KIAA1549L: variants seen among roughly 807,000 people sequenced by gnomAD.
KIAA1549L encodes UPF0606 protein KIAA1549L.
KIAA1549L carries 88 observed loss-of-function variants against 160.7 expected under a neutral mutation model. That is an observed-to-expected ratio of 0.55 (90% confidence interval 0.46 to 0.65). The LOEUF is 0.65. Ranked by LOEUF, KIAA1549L falls within the 30% of genes least tolerant of loss-of-function variation. The pLI, the probability that KIAA1549L is intolerant of heterozygous loss-of-function variation, is 0.00. For synonymous variants in KIAA1549L, 950 were observed against 976.7 expected, an observed-to-expected ratio of 0.97 and a Z score of 0.51; for missense variants, 2,258 against 2,437.5, an observed-to-expected ratio of 0.93 and a Z score of 1.55.
intron 1 of KIAA1549L, among the ~76,000 whole-genome samples, chr11:33,396,914 C>T (rs1850386786): frequency 6.7e-6 from 1 of 149,414 alleles, no homozygotes; most frequent in African/African-American, 2.5e-5. Flanking sequence ...TGCGCCATTG[C>T]ACTCCAGCCT....
chr11:33,525,074 C>T (rs961014344), intron 1 of KIAA1549L, among the ~76,000 whole-genome samples: 4 of 152,180 alleles, frequency 2.6e-5, no homozygotes, highest in African/African-American at 7.2e-5. Context: ...ACAGGACTAA[C>T]ATGCACCTCC....
chr11:33,412,725 G>A (rs896311214), intron 1 of KIAA1549L, among the ~76,000 whole-genome samples: 1 of 152,224 alleles, frequency 6.6e-6, no homozygotes, highest in Non-Finnish European at 1.5e-5. Flanking sequence ...ATTCCTAAAT[G>A]TGCTGGTGTC....
chr11:33,650,878 C>T (rs554150586), intron 17 of KIAA1549L, among the ~76,000 whole-genome samples: 28 of 152,296 alleles, frequency 1.8e-4, no homozygotes, highest in African/African-American at 4.8e-4. Flanking sequence ...GAATTTTGTG[C>T]TGTTGCTGAT....
At chr11:33,499,795 G>GGA (rs1852903661) in intron 1 of KIAA1549L, among the ~76,000 whole-genome samples, 1 of 152,192 alleles carries the variant, frequency 6.6e-6, no homozygotes, top group East Asian at 1.9e-4. Flanking sequence ...GTGCATTTAT[G>GGA]GAGCACTTAC....
chr11:33,430,041 T>C (rs7106506), intron 1 of KIAA1549L, among the ~76,000 whole-genome samples: 97 of 140,476 alleles, frequency 6.9e-4, no homozygotes, highest in South Asian at 2.0e-3. Context: ...CTTCCTTCCT[T>C]CCTTCCTCCC....
chr11:33,508,136 T>C (rs1486853234), intron 1 of KIAA1549L, among the ~76,000 whole-genome samples: 3 of 152,198 alleles, frequency 2.0e-5, no homozygotes, highest in African/African-American at 7.2e-5. Flanking sequence ...ATCAAGATCT[T>C]GCGCAATGCA....
Position 33,637,531 on chromosome 11 carries a change from A to G in KIAA1549L, c.5410-8155A>G, listed in dbSNP as rs79929961. Among the ~76,000 whole-genome samples the G allele has an allele frequency of 1.0e-2, 1,519 of 152,326 alleles. 16 individuals carry two copies. Among genetic ancestry groups the G allele is most frequent in the Non-Finnish European group, 0.014 (962 of 68,016 alleles). On this transcript the variant is annotated intron_variant, in intron 16 of 20. Coordinates refer to ENST00000658780, the MANE Select transcript of KIAA1549L (RefSeq NM_012194.3). ...AGGGCTTCAGCTACAAGGTCTGTAT[A>G]TTAGTTTGCTAGGGCACAGACTGGG...
chr11:33,438,549 G>A (rs1392623758), intron 1 of KIAA1549L, among the ~76,000 whole-genome samples: 1 of 152,244 alleles, frequency 6.6e-6, no homozygotes, highest in Non-Finnish European at 1.5e-5. Context: ...CAGTGGTCAT[G>A]CTGGCCAGCA....
At chr11:33,618,180 G>C (rs1850869738) in intron 15 of KIAA1549L, among the ~76,000 whole-genome samples, 1 of 152,204 alleles carries the variant, frequency 6.6e-6, no homozygotes, top group Non-Finnish European at 1.5e-5. Context: ...AGTCAACAAA[G>C]GCAAGTTTGT....
intron 1 of KIAA1549L, among the ~76,000 whole-genome samples, chr11:33,514,358 T>G (rs928381879): frequency 1.3e-5 from 2 of 152,252 alleles, no homozygotes; most frequent in Admixed American, 6.5e-5. Context: ...AACCACGGAC[T>G]GATCAACCCT....
At chr11:33,544,417 A>G (rs1411191219) in intron 2 of KIAA1549L, 81 bp downstream of exon 2, 5 of 1,415,128 alleles carry the variant, frequency 3.5e-6, no homozygotes, top group Admixed American at 3.6e-5. Context: ...AGCATCTTCA[A>G]GCTCAACGCA....
At chr11:33,522,395 T>C (rs947785223) in intron 1 of KIAA1549L, among the ~76,000 whole-genome samples, 1 of 152,246 alleles carries the variant, frequency 6.6e-6, no homozygotes, top group African/African-American at 2.4e-5. Context: ...TCGTTATTAA[T>C]ATTGACAACA....
intron 1 of KIAA1549L, among the ~76,000 whole-genome samples, chr11:33,378,495 T>TTG (rs760351931): frequency 2.0e-5 from 3 of 152,200 alleles, no homozygotes; most frequent in Non-Finnish European, 4.4e-5. Context: ...GGTGTCCTCT[T>TTG]TCTTTTTCCT....
chr11:33,513,212 A>T (rs901342472), intron 1 of KIAA1549L, among the ~76,000 whole-genome samples: 6 of 152,238 alleles, frequency 3.9e-5, no homozygotes, highest in African/African-American at 1.4e-4. Context: ...AAATGAAAAT[A>T]AAACAAATAT....
At chr11:33,505,410 C>T (rs919738758) in intron 1 of KIAA1549L, among the ~76,000 whole-genome samples, 3 of 152,214 alleles carry the variant, frequency 2.0e-5, no homozygotes, top group African/African-American at 7.2e-5. Context: ...CCTTGCCAAC[C>T]AGCTCAACAT....
At chr11:33,510,502 T>C (rs891234026) in intron 1 of KIAA1549L, among the ~76,000 whole-genome samples, 1 of 152,130 alleles carries the variant, frequency 6.6e-6, no homozygotes, top group Non-Finnish European at 1.5e-5. Flanking sequence ...AAGGTTTGTT[T>C]CTAAGACCCC....
At chr11:33,604,132 C>G (rs1444104828) in intron 13 of KIAA1549L, among the ~76,000 whole-genome samples, 1 of 152,142 alleles carries the variant, frequency 6.6e-6, no homozygotes, top group African/African-American at 2.4e-5. Flanking sequence ...ACAAATTACC[C>G]CAGCACCTAG....
At position 33,405,148 on chromosome 11, in the gene KIAA1549L, A is replaced by G. The variant is rs531333885; in HGVS notation, c.238+28259A>G. ...CCATTATTCAACACCTGTCTTGGTA[A>G]TAGGAATGAAGAAAATAGTAGTGAA... On this transcript the variant is annotated intron_variant, in intron 1 of 20. Coordinates refer to ENST00000658780, the MANE Select transcript of KIAA1549L (RefSeq NM_012194.3). Among the ~76,000 whole-genome samples, 21 of 152,216 alleles carry G rather than the reference A, an allele frequency of 1.4e-4. 1 individual carries two copies. The South Asian group carries it at 4.4e-3, about 32-fold the overall frequency.
chr11:33,477,507 GCACA>G (rs1554981522), intron 1 of KIAA1549L, among the ~76,000 whole-genome samples: 6 of 131,740 alleles, frequency 4.6e-5, no homozygotes, highest in Non-Finnish European at 6.2e-5. Flanking sequence ...GCAGGTGCAC[GCACA>G]CACACACAAA....
Sources: gnomAD v4.1 joint callset for allele counts (sites outside exome capture counted in the v4.1 genomes callset) on GRCh38, gnomAD v4.1.1 for gene constraint, MANE v1.5 for transcripts, NCBI Gene and HGNC (gene_info 2026-07-23, HGNC 2026-07-21) for gene names.